Variants in FOXP2 observed in about 807,000 individuals in gnomAD.
FOXP2 encodes forkhead box protein P2.
Under a neutral mutation model 115.8 loss-of-function variants are expected in FOXP2, and 12 were observed. That is an observed-to-expected ratio of 0.10 (90% CI 0.07 to 0.17). The LOEUF is 0.17. FOXP2 is among the 10% of genes least tolerant of loss of function. FOXP2 has a pLI of 1.00. For synonymous variants in FOXP2, 328 were observed against 297.7 expected (o/e 1.10, Z -1.05); for missense variants, 629 against 843.5 (o/e 0.75, Z 3.15).
chr7:114,689,592 C>A (rs1183998108), intron 16 of FOXP2, among the ~76,000 whole-genome samples, 190 bp from the exon 17 acceptor site: 5 of 152,152 alleles, frequency 3.3e-5, no homozygotes, highest in African/African-American at 4.8e-5. Flanking sequence ...TACTCTGAAT[C>A]CCTGCCTCCA....
intron 1 of FOXP2, among the ~76,000 whole-genome samples, chr7:114,137,546 G>C (rs910951800): frequency 6.6e-6 from 1 of 152,042 alleles, no homozygotes; most frequent in South Asian, 2.1e-4. Context: ...AGCATTGTAA[G>C]CTTTTTGAGT....
intron 2 of FOXP2, among the ~76,000 whole-genome samples, chr7:114,315,993 C>T (rs1307188411): frequency 1.3e-5 from 2 of 152,154 alleles, no homozygotes; most frequent in Non-Finnish European, 2.9e-5. Context: ...TTCAGTACTA[C>T]TTTTGGGACC....
At chr7:114,183,690 T>TA (rs1215560851) in intron 1 of FOXP2, among the ~76,000 whole-genome samples, 1 of 152,188 alleles carries the variant, frequency 6.6e-6, no homozygotes, top group Non-Finnish European at 1.5e-5. Context: ...TTGTACATGA[T>TA]ATCATATATG....
chr7:114,361,805 G>A (rs1791750987), intron 2 of FOXP2, among the ~76,000 whole-genome samples: 1 of 152,056 alleles, frequency 6.6e-6, no homozygotes, highest in Non-Finnish European at 1.5e-5. Context: ...AAGCAGCTAA[G>A]TGGCTTATGG....
rs191947928 is a variant in FOXP2, at chr7:114,453,280, G to A, written c.168+26601G>A. 9.5e-4 allele frequency among the ~76,000 whole-genome samples: 144 copies of A among 152,136 alleles called. 1 individual carries two copies. Among genetic ancestry groups the A allele is most frequent in the African/African-American group, 3.3e-3 (136 of 41,522 alleles). On this transcript the variant is annotated intron_variant, in intron 2 of 16. Transcript: ENST00000350908. ...GTAACTGAAGAGATGGGAGAACCAG[G>A]GTCCCTTACGTTAGAAACAGGAATT...
At chr7:114,103,460 C>T (rs1205425474) in intron 1 of FOXP2, among the ~76,000 whole-genome samples, 2 of 151,920 alleles carry the variant, frequency 1.3e-5, no homozygotes, top group Non-Finnish European at 1.5e-5. Flanking sequence ...CTAAAACTAA[C>T]CTTGCCTAGT....
At chr7:114,128,421 T>C (rs1404276712) in intron 1 of FOXP2, among the ~76,000 whole-genome samples, 4 of 150,756 alleles carry the variant, frequency 2.7e-5, no homozygotes, top group African/African-American at 4.9e-5. Context: ...TTTTTAAATT[T>C]CTTTTTTTTT....
chr7:114,658,211 A>G lies in FOXP2; in HGVS notation c.1412A>G (p.Asn471Ser), dbSNP rs1345935751. ...PSVITPASVP[N>S]VGAIRRRHSD... ...GTAATCACCCCAGCCAGTGTGCCCA[A>G]TGTGGGAGCCATACGAAGGCGACAT... Residue 471 changes from asparagine to serine, a missense_variant, in exon 11 of 17, where the codon AAT becomes AGT. This residue lies in a region of FOXP2 where 101 missense variants were observed against 116.0 expected (regional missense o/e 0.87). Coordinates refer to ENST00000350908, the MANE Select transcript of FOXP2 (RefSeq NM_014491.4). 6.2e-7 allele frequency: 1 copy of G among 1,613,662 alleles called. No individual in the cohort carries two copies. Among genetic ancestry groups the G allele is most frequent in the African/African-American group, 1.3e-5 (1 of 74,870 alleles).
At chr7:114,624,262 A>C (rs1034127586) in intron 3 of FOXP2, among the ~76,000 whole-genome samples, 1 of 151,936 alleles carries the variant, frequency 6.6e-6, no homozygotes, top group African/African-American at 2.4e-5. Context: ...CTTTTATTAC[A>C]CAAGTAGTTA....
At chr7:114,609,074 G>A (rs1803490125) in intron 3 of FOXP2, among the ~76,000 whole-genome samples, 1 of 151,932 alleles carries the variant, frequency 6.6e-6, no homozygotes, top group African/African-American at 2.4e-5. Context: ...TTAGCTGGGT[G>A]TGGTGGCGGG....
intron 2 of FOXP2, among the ~76,000 whole-genome samples, chr7:114,489,748 G>C (rs940598169): frequency 5.3e-5 from 8 of 152,152 alleles, no homozygotes; most frequent in African/African-American, 1.9e-4. Context: ...TTTACCATCT[G>C]ATTAAAATAT....
intron 2 of FOXP2, among the ~76,000 whole-genome samples, chr7:114,532,818 G>A (rs973520304): frequency 6.6e-6 from 1 of 151,650 alleles, no homozygotes; most frequent in African/African-American, 2.4e-5. Flanking sequence ...ATAATCAAAT[G>A]CATTTTTTAT....
chr7:114,627,965 A>ATTATCACATG, intron 3 of FOXP2, among the ~76,000 whole-genome samples: 1 of 151,918 alleles, frequency 6.6e-6, no homozygotes, highest in Non-Finnish European at 1.5e-5. Context: ...TCCTATATGA[A>ATTATCACATG]TTATCACATG....
At chr7:114,157,469 AT>A (rs1792701348) in intron 1 of FOXP2, among the ~76,000 whole-genome samples, 1 of 152,176 alleles carries the variant, frequency 6.6e-6, no homozygotes, top group Admixed American at 6.6e-5. Context: ...CTCTAAAAAA[AT>A]CAAAGCAAAT....
intron 2 of FOXP2, among the ~76,000 whole-genome samples, chr7:114,457,694 C>T (rs764730852): frequency 2.0e-4 from 31 of 151,996 alleles, no homozygotes; most frequent in Admixed American, 5.2e-4. Flanking sequence ...GTCAGGAGAT[C>T]GAGACCATCC....
chr7:114,087,480 G>T (rs1486239606), upstream of FOXP2, among the ~76,000 whole-genome samples: 1 of 151,946 alleles, frequency 6.6e-6, no homozygotes, highest in Non-Finnish European at 1.5e-5. Context: ...GTGAGGGGAC[G>T]TGGGAGGAGC....
At chr7:114,323,812 A>G (rs1797487937) in intron 2 of FOXP2, among the ~76,000 whole-genome samples, 1 of 151,996 alleles carries the variant, frequency 6.6e-6, no homozygotes, top group South Asian at 2.1e-4. Context: ...TTTTGTCTTT[A>G]GCATTTTATT....
At chr7:114,442,770 T>C (rs545572353) in intron 2 of FOXP2, among the ~76,000 whole-genome samples, 6 of 152,176 alleles carry the variant, frequency 3.9e-5, no homozygotes, top group African/African-American at 1.2e-4. Context: ...CCAAAGCGGG[T>C]GAATTTTATG....
chr7:114,116,202 G>C (rs1791403918), intron 1 of FOXP2, among the ~76,000 whole-genome samples: 6 of 152,138 alleles, frequency 3.9e-5, no homozygotes. Context: ...CTACAGGAGG[G>C]AATTAACCTA....
Sources: gnomAD v4.1 joint callset for allele counts (sites outside exome capture counted in the v4.1 genomes callset) on GRCh38, gnomAD v4.1.1 for gene constraint, gnomAD v4.1.1 regional missense constraint, MANE v1.5 for transcripts, NCBI Gene and HGNC (gene_info 2026-07-23, HGNC 2026-07-21) for gene names.